CD163L1: variants seen among roughly 807,000 people sequenced by gnomAD.
CD163L1 encodes scavenger receptor cysteine-rich type 1 protein M160.
CD163L1 carries 124 observed loss-of-function variants against 165.4 expected under a neutral mutation model. That is an observed-to-expected ratio of 0.75 (90% CI 0.65 to 0.87). The LOEUF (loss-of-function observed/expected upper bound fraction) is 0.87. Among genes scored for constraint, CD163L1 ranks in the 40% least tolerant of loss-of-function variants. The pLI is 0.00. For missense variants in CD163L1, 1,525 were observed against 1,799.9 expected (o/e 0.85, Z 2.76); for synonymous variants, 585 against 662.2 (o/e 0.88, Z 1.79).
In CD163L1 at chr12:7,375,269, C is replaced by T. The variant is rs770282698; in HGVS notation, c.3001+12G>A. 3.7e-6 allele frequency: 6 copies of T among 1,612,830 alleles called. No homozygotes were observed. The highest frequency in any genetic ancestry group is 5.1e-6 in the Non-Finnish European group (6 of 1,179,268). On this transcript the variant is annotated intron_variant, in intron 11 of 19. Transcript: ENST00000313599. ...TATTGACAGTAGTTAACCATAAGCACTATTCTCTTACCTGTGCAGATCACA... is the reference window on the plus strand; with the variant it reads ...TATTGACAGTAGTTAACCATAAGCATTATTCTCTTACCTGTGCAGATCACA...
rs373033454 is a variant in CD163L1 at position 7,374,554 on chromosome 12, C to G, written c.3297G>C (p.Trp1099Cys). The change falls in exon 13 of 20, where the codon TGG becomes TGC. Residue 1099 changes from tryptophan (W) to cysteine (C), a missense_variant. Trp to Cys is a radical substitution (Grantham distance 215). Transcript: ENST00000313599. This position sits in a 1 kb window ranked among gnomAD's most constrained non-coding sequence, Gnocchi z 5.4. The part of the protein sequence containing the change: ...AHFGEGSGPI[W>C]LDDLNCTGME... ...TTCCTGTGCAGTTCAGGTCATCCAG[C>G]CAGATGGGCCCTGACCCCTCCCCAA... is the stretch of plus-strand genomic sequence containing the variant. 11 of 1,614,242 alleles carry G rather than the reference C, an allele frequency of 6.8e-6. No homozygotes were observed. Among genetic ancestry groups the G allele is most frequent in the Non-Finnish European group, 9.3e-6 (11 of 1,180,044 alleles).
At chr12:7,389,956 A>ATT in intron 8 of CD163L1, among the ~76,000 whole-genome samples, 1 of 116,740 alleles carries the variant, frequency 8.6e-6, no homozygotes, top group African/African-American at 4.2e-5. Flanking sequence ...TTATATATAT[A>ATT]TATTTATATA....
At chr12:7,389,973 T>TATATAA (rs1565789605) in intron 8 of CD163L1, among the ~76,000 whole-genome samples, 2 of 146,264 alleles carry the variant, frequency 1.4e-5, no homozygotes, top group African/African-American at 5.0e-5. Flanking sequence ...TATATATATA[T>TATATAA]ATATATATAT....
intron 14 of CD163L1, among the ~76,000 whole-genome samples, chr12:7,370,855 A>G (rs779026572): frequency 2.6e-5 from 4 of 152,272 alleles, no homozygotes; most frequent in South Asian, 4.1e-4. Flanking sequence ...CTATATAATA[A>G]TAAATTCAGA....
At chr12:7,392,014 A>G (rs942285152) in intron 8 of CD163L1, among the ~76,000 whole-genome samples, 3 of 152,204 alleles carry the variant, frequency 2.0e-5, no homozygotes, top group East Asian at 1.9e-4. Flanking sequence ...AGACAGATCA[A>G]TAAGACAGAA....
intron 1 of CD163L1, among the ~76,000 whole-genome samples, chr12:7,442,627 C>T (rs1948845688): frequency 1.3e-5 from 2 of 152,284 alleles, no homozygotes; most frequent in African/African-American, 4.8e-5. Context: ...CAATTAGTGT[C>T]CCAATTTCCT....
Position 7,359,998 on chromosome 12 carries a change from T to G in CD163L1, c.4280-2512A>C, listed in dbSNP as rs114597360. On this transcript the variant is annotated intron_variant, in intron 18 of 19. Transcript: ENST00000313599. ...TGATGTGTCTGGGAATGTATATATT[T>G]AGTTTGGTGTTTGCTAAGCTTCTTA... Among the ~76,000 whole-genome samples the G allele has an allele frequency of 8.8e-3, 1,343 of 152,284 alleles. 20 individuals carry two copies. Among genetic ancestry groups the G allele is most frequent in the African/African-American group, 0.031 (1,288 of 41,558 alleles).
the CD163L1 span, chr12:7,324,669 G>T: frequency 1.5e-5 from 22 of 1,507,730 alleles, no homozygotes; most frequent in African/African-American, 1.4e-4. Context: ...CACTGTAAAG[G>T]CTGAACCAAG....
At chr12:7,362,244 G>T (rs1946909576) in intron 18 of CD163L1, among the ~76,000 whole-genome samples, 2 of 138,472 alleles carry the variant, frequency 1.4e-5, no homozygotes, top group African/African-American at 5.3e-5. Flanking sequence ...TATTACTTAT[G>T]TTATAGATTA....
intron 8 of CD163L1, among the ~76,000 whole-genome samples, chr12:7,383,680 CA>C (rs1210162189): frequency 3.3e-5 from 5 of 152,236 alleles, no homozygotes; most frequent in Middle Eastern, 3.4e-3. Flanking sequence ...CAGTCTAAGC[CA>C]AAGAGGAAAT....
At chr12:7,388,950 G>A (rs1193922625) in intron 8 of CD163L1, among the ~76,000 whole-genome samples, 2 of 151,942 alleles carry the variant, frequency 1.3e-5, no homozygotes, top group African/African-American at 2.4e-5. Flanking sequence ...ATTCTTTTTT[G>A]TCTGAATAGT....
Position 7,360,945 on chromosome 12 carries a change from G to A in CD163L1, c.4280-3459C>T, listed in dbSNP as rs371721873. 1.3e-3 allele frequency among the ~76,000 whole-genome samples: 193 copies of A among 144,788 alleles called. 4 individuals are homozygous for A. The East Asian group carries it at 0.046, about 34-fold the overall frequency. The allele number at this position is 144,788 out of a possible 152,430, so 95.0% of individuals were successfully genotyped here. A position where few individuals can be genotyped will look rare whatever the true frequency, so the allele number is the denominator to read the frequency against. On this transcript the variant is annotated intron_variant, in intron 18 of 19. Coordinates refer to ENST00000313599, the MANE Select transcript of CD163L1 (RefSeq NM_174941.6). ...TGTTAAAACACTTTGGAGAAAGTGG[G>A]TTTTTGGTTTTGGTTTTGCTTTGTT...
the CD163L1 span, chr12:7,324,381 G>T: frequency 7.4e-6 from 12 of 1,614,092 alleles, no homozygotes; most frequent in Non-Finnish European, 9.3e-6. Flanking sequence ...CAGAGCTGAT[G>T]ATGTCATTAT....
the CD163L1 span, chr12:7,324,521 G>T: frequency 3.7e-6 from 6 of 1,613,854 alleles, no homozygotes; most frequent in Admixed American, 8.3e-5. Context: ...GCCATTTGAA[G>T]TGGAGAGTGC....
chr12:7,439,747 T>C (rs1433740973), intron 2 of CD163L1: 1 of 1,612,598 alleles, frequency 6.2e-7, no homozygotes, highest in Non-Finnish European at 8.5e-7. Flanking sequence ...TGTATAGCCT[T>C]TCCAGCGAAC....
chr12:7,337,582 G>T, the CD163L1 span, among the ~76,000 whole-genome samples: 1 of 151,986 alleles, frequency 6.6e-6, no homozygotes. Context: ...ATCATCACTG[G>T]TCATTAGAGA....
At position 7,437,411 on chromosome 12, in the gene CD163L1, G is replaced by A. The variant is rs1948752809; in HGVS notation, c.125-3717C>T. On this transcript the variant is annotated intron_variant, in intron 2 of 19. Transcript: ENST00000313599. ...GCAAGTTTGTTACATATGTATACAT[G>A]TGCCGTGTTGGTGTGCTGCACCCAT... Among the ~76,000 whole-genome samples the A allele has an allele frequency of 3.3e-5, 5 of 151,090 alleles. No homozygotes were observed. The South Asian group carries it at 1.0e-3, about 32-fold the overall frequency.
rs149535083 is a variant in CD163L1, at chr12:7,432,317, G to A, written c.766+99C>T. On this transcript the variant is annotated intron_variant, in intron 4 of 19. Transcript: ENST00000313599. The surrounding 1 kb of genome is among the most constrained non-coding windows in gnomAD (Gnocchi z 4.2). ...GTAACAAAAATGTGTTATAACCAGAGAAAATTCTTCTCCAGAGAATGATTG... is the reference window on the plus strand; with the variant it reads ...GTAACAAAAATGTGTTATAACCAGAAAAAATTCTTCTCCAGAGAATGATTG... The A allele has an allele frequency of 5.0e-3, 4,696 of 931,622 alleles. 18 individuals are homozygous for A. Among genetic ancestry groups the A allele is most frequent in the Non-Finnish European group, 6.3e-3 (3,912 of 624,760 alleles). 57.7% of individuals were successfully genotyped at this position (931,622 alleles called of 1,614,324 possible).
chr12:7,384,493 A>T (rs781778225), intron 8 of CD163L1, among the ~76,000 whole-genome samples: 15 of 152,148 alleles, frequency 9.9e-5, no homozygotes, highest in Non-Finnish European at 2.1e-4. Context: ...TCCAAGGCAC[A>T]TTATACTCAA....
Sources: gnomAD v4.1 joint callset for allele counts (sites outside exome capture counted in the v4.1 genomes callset) on GRCh38, gnomAD v4.1.1 for gene constraint, Gnocchi (gnomAD v3.1) non-coding constraint, MANE v1.5 for transcripts, NCBI Gene and HGNC (gene_info 2026-07-23, HGNC 2026-07-21) for gene names.